The following SYN3 variants were observed in gnomAD, a reference collection of about 807,000 sequenced individuals.
SYN3 encodes synapsin-3.
In SYN3, 35 loss-of-function variants were observed where a neutral mutation model predicts 65.8. The observed-to-expected ratio is 0.53, with a 90% confidence interval of 0.41 to 0.70. The LOEUF (loss-of-function observed/expected upper bound fraction) is 0.70. SYN3 is among the 30% of genes least tolerant of loss of function. SYN3 has a pLI of 0.00. For synonymous variants in SYN3, 270 were observed against 292.9 expected (o/e 0.92, Z 0.80); for missense variants, 680 against 749.0 (o/e 0.91, Z 1.08).
intron 6 of SYN3, among the ~76,000 whole-genome samples, chr22:32,622,975 G>A (rs2059616035): frequency 6.6e-6 from 1 of 152,058 alleles, no homozygotes; most frequent in African/African-American, 2.4e-5. Context: ...TGTAGTTTAG[G>A]GGAGGGAGGG....
At chr22:32,767,127 G>A (rs1448749240) in intron 6 of SYN3, among the ~76,000 whole-genome samples, 1 of 152,108 alleles carries the variant, frequency 6.6e-6, no homozygotes, top group East Asian at 1.9e-4. Flanking sequence ...CATCAGGGAT[G>A]CTACACATGT....
rs371082652 is a variant in SYN3, at chr22:32,980,687, A to T, written c.327T>A (p.His109Gln). ...DAHTDWSKYF[H>Q]GKKVNGEIEI... The stretch of plus-strand genomic sequence containing the variant: ...CAATCTCTCCATTCACCTTCTTCCC[A>T]TGGAAATACTTCGACCTGTAAAGGG... The change falls in exon 3 of 14, where the codon CAT (histidine) becomes CAA (glutamine). Residue 109 changes from histidine to glutamine, a missense_variant. Physicochemically the swap from His to Gln is conservative, Grantham distance 24. Transcript: ENST00000358763. The T allele has an allele frequency of 4.3e-6, 7 of 1,613,894 alleles. No individual in the cohort carries two copies. The South Asian group carries it at 7.7e-5, about 18-fold the overall frequency.
At chr22:33,037,339 C>A (rs1241116804) in intron 1 of SYN3, among the ~76,000 whole-genome samples, 1 of 152,168 alleles carries the variant, frequency 6.6e-6, no homozygotes, top group East Asian at 1.9e-4. Flanking sequence ...TCTCCCCATA[C>A]AACCTACCAC....
At chr22:32,740,307 G>A (rs1329349490) in intron 6 of SYN3, among the ~76,000 whole-genome samples, 1 of 152,208 alleles carries the variant, frequency 6.6e-6, no homozygotes, top group Non-Finnish European at 1.5e-5. Flanking sequence ...TGAATAAGGA[G>A]CTGCCACTCA....
intron 4 of SYN3, among the ~76,000 whole-genome samples, chr22:32,904,236 C>T (rs527855179): frequency 6.6e-6 from 1 of 152,304 alleles, no homozygotes; most frequent in East Asian, 1.9e-4. Flanking sequence ...GGGCATGTGA[C>T]AGAGTTCTGG....
intron 6 of SYN3, among the ~76,000 whole-genome samples, chr22:32,756,317 A>C (rs558277742): frequency 4.1e-4 from 62 of 152,352 alleles, no homozygotes; most frequent in Non-Finnish European, 8.1e-4. Context: ...GATATACCTA[A>C]TGTTAAATGA....
chr22:32,682,731 G>A (rs1467308926), intron 6 of SYN3, among the ~76,000 whole-genome samples: 7 of 142,338 alleles, frequency 4.9e-5, no homozygotes, highest in Non-Finnish European at 7.6e-5. Flanking sequence ...AGCGTTTGAC[G>A]AATCAGTATT....
In SYN3 at chr22:32,541,629, T is replaced by A. The variant is rs769628418; in HGVS notation, c.859A>T (p.Ile287Phe). Residue 287 changes from isoleucine (I) to phenylalanine (F), a missense_variant, in exon 8 of 14, where the codon ATC (isoleucine) becomes TTC (phenylalanine). Transcript: ENST00000358763. ...ATGCGGATGTCGTACTTGGAGTCGA[T>A]GAAGGCCTCGGTGGTGGCGTAGGTT... ...AKTYATTEAF[I>F]DSKYDIRIQK... The A allele has an allele frequency of 1.2e-6, 2 of 1,614,014 alleles. No homozygotes were observed. Among genetic ancestry groups the A allele is most frequent in the Non-Finnish European group, 1.7e-6 (2 of 1,180,034 alleles).
intron 6 of SYN3, among the ~76,000 whole-genome samples, chr22:32,717,913 T>A (rs968601992): frequency 2.0e-5 from 3 of 152,194 alleles, no homozygotes; most frequent in Non-Finnish European, 4.4e-5. Context: ...CCTTTCTGTT[T>A]GTGCACGCAA....
Position 32,875,275 on chromosome 22 carries a change from G to A in SYN3, c.462-6150C>T, listed in dbSNP as rs150746138. On this transcript the variant is annotated intron_variant, in intron 4 of 13. Transcript: ENST00000358763. Reference sequence around the variant, plus strand: ...TTTACAGACAGCCCGGCTCTCTGTTGAATCCGAGGGCCCTCTTTGTAAAGT... The same window carrying A: ...TTTACAGACAGCCCGGCTCTCTGTTAAATCCGAGGGCCCTCTTTGTAAAGT... Among the ~76,000 whole-genome samples the A allele has an allele frequency of 6.3e-3, 960 of 152,318 alleles. 10 individuals are homozygous for A. Among genetic ancestry groups the A allele is most frequent in the African/African-American group, 0.022 (915 of 41,578 alleles).
At chr22:33,019,160 A>T (rs2053520365) in intron 1 of SYN3, among the ~76,000 whole-genome samples, 1 of 152,220 alleles carries the variant, frequency 6.6e-6, no homozygotes, top group African/African-American at 2.4e-5. Context: ...TAAAGGACAC[A>T]CTGTAACCCA....
intron 12 of SYN3, among the ~76,000 whole-genome samples, chr22:32,523,264 G>A (rs1460123131): frequency 6.6e-6 from 1 of 152,216 alleles, no homozygotes; most frequent in Admixed American, 6.5e-5. Flanking sequence ...TGTAATCCCA[G>A]CACTTTGGGA....
chr22:32,771,581 T>C (rs545097190), intron 6 of SYN3, among the ~76,000 whole-genome samples: 1 of 152,352 alleles, frequency 6.6e-6, no homozygotes, highest in South Asian at 2.1e-4. Context: ...AAAATGGAGA[T>C]AATATCTGCC....
chr22:33,010,605 C>A (rs182606351), intron 1 of SYN3, among the ~76,000 whole-genome samples: 125 of 152,256 alleles, frequency 8.2e-4, no homozygotes, highest in Admixed American at 1.8e-3. Flanking sequence ...AGTGAGTCCT[C>A]CAACTTAAAT....
chr22:32,972,811 C>T (rs1015771812), intron 3 of SYN3, among the ~76,000 whole-genome samples: 2 of 151,290 alleles, frequency 1.3e-5, no homozygotes, highest in African/African-American at 2.4e-5. Flanking sequence ...TAGGCAACAT[C>T]GCGATGCCTT....
chr22:32,908,545 C>T (rs2049965819), intron 4 of SYN3, among the ~76,000 whole-genome samples: 1 of 152,148 alleles, frequency 6.6e-6, no homozygotes, highest in Non-Finnish European at 1.5e-5. Context: ...ATACACTCCA[C>T]ATCTGACCCA....
intron 6 of SYN3, among the ~76,000 whole-genome samples, chr22:32,753,361 A>C (rs1341952909): frequency 2.0e-5 from 3 of 151,944 alleles, no homozygotes; most frequent in Non-Finnish European, 4.4e-5. Flanking sequence ...CCAACTCCTG[A>C]CTCAGGCTGT....
chr22:32,630,033 G>A (rs1358641948), intron 6 of SYN3, among the ~76,000 whole-genome samples: 2 of 149,756 alleles, frequency 1.3e-5, no homozygotes, highest in South Asian at 2.1e-4. Context: ...TGCCAGGCTA[G>A]AGTACGGTGG....
intron 7 of SYN3, among the ~76,000 whole-genome samples, chr22:32,556,527 A>G (rs890932097): frequency 7.2e-5 from 11 of 152,220 alleles, no homozygotes; most frequent in African/African-American, 2.4e-4. Context: ...TTTCCTTTGA[A>G]AATTAAAAAT....
Sources: allele counts gnomAD v4.1 joint callset (sites outside exome capture counted in the v4.1 genomes callset), GRCh38; gene constraint gnomAD v4.1.1; transcripts MANE v1.5; gene names NCBI Gene and HGNC (gene_info 2026-07-23, HGNC 2026-07-21).